Variants in OSBPL10 observed in about 807,000 individuals in gnomAD.
OSBPL10 encodes oxysterol binding protein like 10.
Under a neutral mutation model 81.7 loss-of-function variants are expected in OSBPL10, and 49 were observed. That is an observed-to-expected ratio of 0.60 (90% CI 0.48 to 0.76). OSBPL10 has a LOEUF of 0.76. Among genes scored for constraint, OSBPL10 ranks in the 30% least tolerant of loss-of-function variants. The pLI is 0.00. For missense variants in OSBPL10, 923 were observed against 987.8 expected (o/e 0.93, Z 0.88); for synonymous variants, 419 against 383.6 (o/e 1.09, Z -1.08).
intron 4 of OSBPL10, among the ~76,000 whole-genome samples, chr3:31,751,986 A>G (rs928350798): frequency 3.3e-5 from 5 of 152,204 alleles, no homozygotes; most frequent in Admixed American, 6.5e-5. Flanking sequence ...CTTCCGAAGA[A>G]CAAGTTTTAG....
intron 6 of OSBPL10, among the ~76,000 whole-genome samples, chr3:31,722,518 G>T (rs886452687): frequency 6.6e-6 from 1 of 152,126 alleles, no homozygotes; most frequent in Non-Finnish European, 1.5e-5. Flanking sequence ...TCATAATGGG[G>T]TTTTTAAAAG....
chr3:32,011,465 A>C (rs1457054967), intron 2 of OSBPL10, among the ~76,000 whole-genome samples: 1 of 152,192 alleles, frequency 6.6e-6, no homozygotes, highest in African/African-American at 2.4e-5. Context: ...AAAGACCAAA[A>C]GTAGATAAAA....
chr3:31,704,965 A>AC lies in OSBPL10; in HGVS notation c.1096-2458dup. On this transcript the variant is annotated intron_variant, in intron 6 of 11. Coordinates refer to ENST00000396556, the MANE Select transcript of OSBPL10 (RefSeq NM_017784.5). ...TCCTTTCCCACTGTAAATCAACAGC[A>AC]CATGCCCTCTGTGTCTGACAATTCC... 2.0e-5 allele frequency: 3 copies of AC among 152,406 alleles called. No homozygotes were observed. The South Asian group carries it at 6.2e-4, about 32-fold the overall frequency. The allele number at this position is 152,406 out of a possible 1,614,324, so 9.4% of individuals were successfully genotyped here.
chr3:31,982,947 A>C (rs894402396), upstream of OSBPL10, among the ~76,000 whole-genome samples: 2 of 152,180 alleles, frequency 1.3e-5, no homozygotes, highest in Admixed American at 1.3e-4. Context: ...TTCCAAACAT[A>C]AGCTTTAAGA....
chr3:31,705,450 T>C (rs1372021189), intron 6 of OSBPL10, among the ~76,000 whole-genome samples: 1 of 145,998 alleles, frequency 6.8e-6, no homozygotes, highest in Non-Finnish European at 1.5e-5. Context: ...AGGTCAACTC[T>C]GTCTGAAAGA....
At chr3:31,972,120 G>A (rs911150459) in intron 1 of OSBPL10, among the ~76,000 whole-genome samples, 1 of 152,238 alleles carries the variant, frequency 6.6e-6, no homozygotes, top group African/African-American at 2.4e-5. Context: ...CGGGCACAGT[G>A]GCTCACGCCT....
intron 5 of OSBPL10, among the ~76,000 whole-genome samples, chr3:31,742,888 A>C (rs1697396971): frequency 6.6e-6 from 1 of 152,124 alleles, no homozygotes; most frequent in Non-Finnish European, 1.5e-5. Context: ...CGGGGAAGGC[A>C]CACATCTAGG....
intron 5 of OSBPL10, among the ~76,000 whole-genome samples, chr3:31,746,283 T>C (rs370440455): frequency 6.6e-6 from 1 of 152,088 alleles, no homozygotes; most frequent in East Asian, 1.9e-4. Flanking sequence ...GCGAGGTGAG[T>C]GGGGCACAGA....
At chr3:32,054,001 G>A (rs1332671246) in intron 1 of OSBPL10, among the ~76,000 whole-genome samples, 1 of 151,978 alleles carries the variant, frequency 6.6e-6, no homozygotes, top group African/African-American at 2.4e-5. Flanking sequence ...AGAAATTTTT[G>A]GGTTTTGTTT....
At chr3:31,733,520 G>A in intron 5 of OSBPL10, 109 bp from the exon 6 acceptor site, 1 of 1,350,662 alleles carries the variant, frequency 7.4e-7, no homozygotes. Context: ...AAGGGCATGA[G>A]GTAAAACACA....
intron 1 of OSBPL10, among the ~76,000 whole-genome samples, chr3:31,912,730 C>T (rs1163290078): frequency 2.0e-5 from 3 of 152,116 alleles, no homozygotes; most frequent in Admixed American, 6.6e-5. Flanking sequence ...GATAGAATTT[C>T]GGCACTGAAA....
At chr3:31,774,078 C>T (rs1698468109) in intron 4 of OSBPL10, among the ~76,000 whole-genome samples, 1 of 150,932 alleles carries the variant, frequency 6.6e-6, no homozygotes, top group Non-Finnish European at 1.5e-5. Context: ...AGGAGAATCG[C>T]TTGAACCTGG....
chr3:31,856,362 GTTT>G (rs1700913222), intron 3 of OSBPL10, among the ~76,000 whole-genome samples: 1 of 152,092 alleles, frequency 6.6e-6, no homozygotes, highest in Non-Finnish European at 1.5e-5. Flanking sequence ...TTTACACTTA[GTTT>G]TAAGTACCCA....
intron 10 of OSBPL10, among the ~76,000 whole-genome samples, chr3:31,667,678 T>C (rs897292292): frequency 6.6e-6 from 1 of 152,246 alleles, no homozygotes; most frequent in Non-Finnish European, 1.5e-5. Flanking sequence ...GTAAACATTT[T>C]AGGCTTTGCA....
chr3:31,666,619 C>T (rs1700196601), intron 10 of OSBPL10, among the ~76,000 whole-genome samples: 1 of 152,180 alleles, frequency 6.6e-6, no homozygotes, highest in African/African-American at 2.4e-5. Context: ...TATCCCTATA[C>T]AGCAGTCCCC....
intron 7 of OSBPL10, among the ~76,000 whole-genome samples, chr3:31,684,735 T>C (rs1575474476): frequency 6.6e-6 from 1 of 152,146 alleles, no homozygotes; most frequent in South Asian, 2.1e-4. Context: ...AGCAGGCAAA[T>C]ATCCACAGAG....
At chr3:31,741,644 T>C (rs1024132983) in intron 5 of OSBPL10, among the ~76,000 whole-genome samples, 1 of 152,244 alleles carries the variant, frequency 6.6e-6, no homozygotes, top group Admixed American at 6.5e-5. Flanking sequence ...TAAACACTTA[T>C]CTGAAATATT....
At chr3:31,747,759 C>G in intron 5 of OSBPL10, 151 bp downstream of exon 5, 1 of 778,120 alleles carries the variant, frequency 1.3e-6, no homozygotes. Flanking sequence ...ATATCCCAAA[C>G]AGTAGAGACG....
intron 1 of OSBPL10, among the ~76,000 whole-genome samples, chr3:32,071,039 G>A (rs761105215): frequency 6.6e-6 from 1 of 152,038 alleles, no homozygotes; most frequent in Non-Finnish European, 1.5e-5. Context: ...TCAATATATT[G>A]ATGACCTTCT....
Sources: allele counts gnomAD v4.1 joint callset (sites outside exome capture counted in the v4.1 genomes callset), GRCh38; gene constraint gnomAD v4.1.1; transcripts MANE v1.5; gene names NCBI Gene and HGNC (gene_info 2026-07-23, HGNC 2026-07-21).